GABRB2: variants seen among roughly 807,000 people sequenced by gnomAD.
GABRB2 encodes gamma-aminobutyric acid receptor subunit beta-2.
A neutral mutation model predicts 54.7 loss-of-function variants in GABRB2; 16 were observed. That is an observed-to-expected ratio of 0.29 (90% CI 0.20 to 0.44). The LOEUF (loss-of-function observed/expected upper bound fraction) is 0.44, where lower values mean the gene tolerates loss of function less well. Ranked by LOEUF, GABRB2 falls within the 20% of genes least tolerant of loss-of-function variation. The pLI, the probability that GABRB2 is intolerant of heterozygous loss-of-function variation, is 1.00. For missense variants in GABRB2, 355 were observed against 644.0 expected (o/e 0.55, Z 4.86); for synonymous variants, 244 against 233.8 (o/e 1.04, Z -0.40).
intron 4 of GABRB2, among the ~76,000 whole-genome samples, chr5:161,431,766 A>G (rs893885139): frequency 1.3e-5 from 2 of 152,224 alleles, no homozygotes; most frequent in African/African-American, 4.8e-5. Context: ...TCATTTGAAA[A>G]TAAACATCTA....
intron 5 of GABRB2, among the ~76,000 whole-genome samples, chr5:161,363,756 C>A (rs1273929859): frequency 6.6e-6 from 1 of 152,078 alleles, no homozygotes; most frequent in Non-Finnish European, 1.5e-5. Context: ...TCTTTAGCTG[C>A]AGAAACACAA....
At chr5:161,548,241 G>A (rs1761051051), upstream of GABRB2, 1 of 152,324 alleles carries the variant, frequency 6.6e-6, no homozygotes. Flanking sequence ...GAAATTGGGG[G>A]AGGGAGATAC....
Position 161,354,219 on chromosome 5 carries a change from A to T in GABRB2, c.542-17450T>A, listed in dbSNP as rs546465990. On this transcript the variant is annotated intron_variant, in intron 5 of 9. Coordinates refer to ENST00000393959, the MANE Select transcript of GABRB2 (RefSeq NM_001371727.1). ...TTGGACCTAGGAGCCTACATATTTA[A>T]TAAACGTACCAGCTGATTCTGATAC... Among the ~76,000 whole-genome samples, 183 of 152,148 alleles carry T rather than the reference A, an allele frequency of 1.2e-3. 4 individuals carry two copies. The highest frequency in any genetic ancestry group is 8.8e-5 in the Non-Finnish European group (6 of 67,948).
intron 4 of GABRB2, among the ~76,000 whole-genome samples, chr5:161,416,862 A>G (rs1402571102): frequency 6.6e-6 from 1 of 152,058 alleles, no homozygotes; most frequent in Non-Finnish European, 1.5e-5. Context: ...CTCCAGCATT[A>G]GTGGGCATCA....
chr5:161,300,710 A>T (rs1757511468), intron 9 of GABRB2, among the ~76,000 whole-genome samples: 1 of 152,204 alleles, frequency 6.6e-6, no homozygotes, highest in South Asian at 2.1e-4. Flanking sequence ...TAAGTGAGTA[A>T]ATCTGGAATG....
Position 161,415,001 on chromosome 5 carries a change from A to G in GABRB2, c.459-3944T>C, listed in dbSNP as rs546681450. Among the ~76,000 whole-genome samples, 4 of 152,304 alleles carry G rather than the reference A, an allele frequency of 2.6e-5. 1 individual carries two copies. In the South Asian group the frequency reaches 8.3e-4, roughly 32 times the overall value. ...TTTGATTTATAACAGAGCTGTTTCT[A>G]CAGGAAGAAGTCAATACAATAAACA... On this transcript the variant is annotated intron_variant, in intron 4 of 9. Transcript: ENST00000393959.
chr5:161,484,440 T>C (rs2113335928), intron 3 of GABRB2, among the ~76,000 whole-genome samples: 1 of 152,038 alleles, frequency 6.6e-6, no homozygotes, highest in East Asian at 2.0e-4. Context: ...ATGACCCACC[T>C]TTCAAGTACA....
chr5:161,392,277 A>T (rs1334113289), intron 5 of GABRB2, among the ~76,000 whole-genome samples: 1 of 152,232 alleles, frequency 6.6e-6, no homozygotes, highest in Non-Finnish European at 1.5e-5. Context: ...CCTTGACAGA[A>T]GTACTGTGTA....
chr5:161,506,711 A>G (rs1250228654), intron 3 of GABRB2, among the ~76,000 whole-genome samples: 1 of 152,152 alleles, frequency 6.6e-6, no homozygotes, highest in African/African-American at 2.4e-5. Flanking sequence ...CTAACATGAC[A>G]GTAATCAAGG....
intron 4 of GABRB2, among the ~76,000 whole-genome samples, chr5:161,433,420 C>T (rs1580981852): frequency 7.3e-6 from 1 of 137,714 alleles, no homozygotes; most frequent in African/African-American, 2.7e-5. Flanking sequence ...GGCAATATGG[C>T]AAAACCCTGT....
intron 3 of GABRB2, among the ~76,000 whole-genome samples, chr5:161,515,144 T>C (rs1266433993): frequency 6.6e-6 from 1 of 152,168 alleles, no homozygotes; most frequent in Non-Finnish European, 1.5e-5. Context: ...GTTTCTAAAG[T>C]TAATCTCTTC....
At chr5:161,385,947 G>GGTGTGTGT (rs70990781) in intron 5 of GABRB2, among the ~76,000 whole-genome samples, 17 of 93,412 alleles carry the variant, frequency 1.8e-4, no homozygotes, top group African/African-American at 4.2e-4. Flanking sequence ...CCTATTGTCT[G>GGTGTGTGT]GTGTGTGTGT....
At chr5:161,438,561 A>G (rs887481376) in intron 4 of GABRB2, among the ~76,000 whole-genome samples, 2 of 152,184 alleles carry the variant, frequency 1.3e-5, no homozygotes, top group South Asian at 2.1e-4. Flanking sequence ...ATAAGTCACC[A>G]GACACCAATC....
intron 9 of GABRB2, among the ~76,000 whole-genome samples, chr5:161,301,796 G>C (rs537489863): frequency 6.6e-6 from 1 of 151,990 alleles, no homozygotes. Context: ...AGGTTTTTTG[G>C]AGAGGCTCTA....
At chr5:161,441,013 C>T (rs962597021) in intron 4 of GABRB2, among the ~76,000 whole-genome samples, 2 of 152,064 alleles carry the variant, frequency 1.3e-5, no homozygotes, top group African/African-American at 4.8e-5. Flanking sequence ...GAAATTTCTA[C>T]AAGAAAACAT....
At chr5:161,378,475 A>G (rs1755372353) in intron 5 of GABRB2, among the ~76,000 whole-genome samples, 2 of 152,222 alleles carry the variant, frequency 1.3e-5, no homozygotes, top group East Asian at 3.9e-4. Flanking sequence ...ATGGTCACAC[A>G]TGTTTGGCTT....
chr5:161,492,566 G>GTGTA (rs1301308493), intron 3 of GABRB2, among the ~76,000 whole-genome samples: 2 of 149,986 alleles, frequency 1.3e-5, no homozygotes, highest in East Asian at 3.9e-4. Context: ...GTTGTAATTT[G>GTGTA]TGTGTGTGTG....
intron 3 of GABRB2, among the ~76,000 whole-genome samples, chr5:161,531,103 G>C (rs1348760940): frequency 6.6e-6 from 1 of 152,110 alleles, no homozygotes; most frequent in East Asian, 1.9e-4. Context: ...TCTAAATTGT[G>C]TTTTTTGGAG....
chr5:161,314,810 CATG>C (rs1172318072), intron 9 of GABRB2, among the ~76,000 whole-genome samples: 1 of 152,012 alleles, frequency 6.6e-6, no homozygotes. Context: ...GAACTACTTT[CATG>C]ATACCAGAAT....
Sources: gnomAD v4.1 joint callset for allele counts (sites outside exome capture counted in the v4.1 genomes callset) on GRCh38, gnomAD v4.1.1 for gene constraint, MANE v1.5 for transcripts, NCBI Gene and HGNC (gene_info 2026-07-23, HGNC 2026-07-21) for gene names.